Variants in UNC13D observed in about 807,000 individuals in gnomAD.
UNC13D encodes protein unc-13 homolog D.
A neutral mutation model predicts 151.7 loss-of-function variants in UNC13D; 115 were observed. The ratio of observed to expected loss-of-function variants is 0.76; its 90% CI spans 0.65 to 0.88. UNC13D has a LOEUF of 0.88. Among genes scored for constraint, UNC13D ranks in the 40% least tolerant of loss-of-function variants. UNC13D has a pLI of 0.00. For missense variants in UNC13D, 1,369 were observed against 1,438.7 expected (o/e 0.95, Z 0.78); for synonymous variants, 588 against 612.2 (o/e 0.96, Z 0.58).
Position 75,827,833 on chromosome 17 carries a change from C to T in UNC13D, c.*132G>A. 1 of 1,506,974 alleles carries T rather than the reference C, an allele frequency of 6.6e-7. No individual in the cohort carries two copies. The highest frequency in any genetic ancestry group is 8.9e-7 in the Non-Finnish European group (1 of 1,128,186). The allele number at this position is 1,506,974 out of a possible 1,614,324, so 93.4% of individuals were successfully genotyped here. On this transcript the variant is annotated 3_prime_UTR_variant, in exon 32 of 32. Transcript: ENST00000207549. Reference sequence around the variant, plus strand: ...GCAGGGGAGGTCTGCACTCTGGGCACTCCGCATGCTGGGGCTCCCCAAGTG... The same window carrying T: ...GCAGGGGAGGTCTGCACTCTGGGCATTCCGCATGCTGGGGCTCCCCAAGTG...
At chr17:75,844,145 C>T (rs1449842277) in intron 1 of UNC13D, 76 bp downstream of exon 1, 1 of 1,572,472 alleles carries the variant, frequency 6.4e-7, no homozygotes, top group Non-Finnish European at 8.7e-7. Context: ...GAGGTGGGGC[C>T]AGACAGCAGG....
rs188535511 is a variant in UNC13D at position 75,831,079 on chromosome 17, G to A, written c.2625+19C>T. On this transcript the variant is annotated intron_variant, in intron 27 of 31. Coordinates refer to ENST00000207549, the MANE Select transcript of UNC13D (RefSeq NM_199242.3). Reference sequence around the variant, plus strand: ...GGCTCCCCAGACTTCCTACGGGGAAGCTCACCCAAAGCCCCTACCTGGAAG... The same window carrying A: ...GGCTCCCCAGACTTCCTACGGGGAAACTCACCCAAAGCCCCTACCTGGAAG... 1.6e-4 allele frequency: 259 copies of A among 1,613,640 alleles called. No homozygotes were observed. The African/African-American group carries it at 3.1e-3, about 20-fold the overall frequency.
Position 75,840,404 on chromosome 17 carries a change from G to A in UNC13D, c.754-75C>T. On this transcript the variant is annotated intron_variant, in intron 9 of 31. Transcript: ENST00000207549. The surrounding 1 kb of genome is among the most constrained non-coding windows in gnomAD (Gnocchi z 4.6). ...GGGGCAGCGGAGGCGACAGGAGGTG[G>A]ACCCCAGGCTCAGCTTTGTGAGGAC... The A allele has an allele frequency of 6.2e-7, 1 of 1,606,220 alleles. No homozygotes were observed. Among genetic ancestry groups the A allele is most frequent in the Non-Finnish European group, 8.5e-7 (1 of 1,173,924 alleles).
chr17:75,834,997 G>T lies in UNC13D; in HGVS notation c.1915C>A (p.Gln639Lys). ...SAVDLSTCFA[Q>K]ISHTARQLDW... ...AGCTGCCGGGCAGTGTGGCTGATCT[G>T]GGCAAAGCAGGTGGATAGATCCACC... The change falls in exon 21 of 32, where the codon CAG (glutamine) becomes AAG (lysine). Residue 639 changes from glutamine to lysine, a missense_variant. Coordinates refer to ENST00000207549, the MANE Select transcript of UNC13D (RefSeq NM_199242.3). 6.2e-7 allele frequency: 1 copy of T among 1,614,072 alleles called. No individual in the cohort carries two copies. The highest frequency in any genetic ancestry group is 8.5e-7 in the Non-Finnish European group (1 of 1,180,026).
chr17:75,843,111 C>A (rs757592616), intron 3 of UNC13D, 38 bp from the exon 4 acceptor site: 36 of 1,608,096 alleles, frequency 2.2e-5, no homozygotes, highest in Non-Finnish European at 3.0e-5. Context: ...CTGGGGGCAC[C>A]AGACAGGGCA....
At chr17:75,834,737 G>A (rs752254905) in intron 21 of UNC13D, 21 bp from the exon 22 acceptor site, 2 of 1,612,914 alleles carry the variant, frequency 1.2e-6, no homozygotes, top group Non-Finnish European at 1.7e-6. Context: ...GTTGGACAGA[G>A]GGAACTGATC....
intron 30 of UNC13D, 114 bp downstream of exon 30, chr17:75,829,914 C>G: frequency 2.7e-6 from 4 of 1,506,784 alleles, no homozygotes; most frequent in Non-Finnish European, 3.6e-6. Context: ...CCCTTGGGCC[C>G]AAATGTGGCC....
Position 75,834,338 on chromosome 17 carries a change from G to C in UNC13D, c.2285C>G (p.Thr762Ser). The change falls in exon 23 of 32, where the codon ACC (threonine) becomes AGC (serine). Residue 762 changes from threonine (T) to serine (S), a missense_variant. Thr to Ser is a moderately conservative substitution (Grantham distance 58, BLOSUM62 1). Transcript: ENST00000207549. ...CGGACAAGGTACCTGCTCGGCCAGG[G>C]TGCGGACGCCAGTGCGGATCTCATG... The part of the protein sequence containing the change: ...LGHEIRTGVR[T>S]LAEQLEVGIA... The C allele has an allele frequency of 6.3e-7, 1 of 1,594,932 alleles. No homozygotes were observed.
At position 75,834,374 on chromosome 17, in the gene UNC13D, G is replaced by A. The variant is rs1440344749; in HGVS notation, c.2249C>T (p.Ala750Val). 1.9e-6 allele frequency: 3 copies of A among 1,593,220 alleles called. No individual in the cohort carries two copies. The highest frequency in any genetic ancestry group is 1.1e-5 in the South Asian group (1 of 90,120). The stretch of plus-strand genomic sequence containing the variant: ...AGTGCGGATCTCATGGCCCAGCCCG[G>A]CCAGCGCGCTCTGCAGCTGGGCATG... The part of the protein sequence containing the change: ...TLHAQLQSAL[A>V]GLGHEIRTGV... The change falls in exon 23 of 32, where the codon GCC (alanine) becomes GTC (valine). Residue 750 changes from alanine to valine, a missense_variant. Physicochemically the swap from Ala to Val is moderately conservative, Grantham distance 64. Around this residue, in one of 3 missense-constraint regions of UNC13D, gnomAD observed 807 missense variants for 795.5 expected, o/e 1.01. Transcript: ENST00000207549.
At chr17:75,843,917 AC>A (rs1440562535) in intron 1 of UNC13D, 22 of 1,376,740 alleles carry the variant, frequency 1.6e-5, no homozygotes, top group African/African-American at 2.9e-5. Context: ...CAGCAGGGAC[AC>A]CCCCACCTAA....
In UNC13D at chr17:75,834,158, C is replaced by T. The variant is rs765565016; in HGVS notation, c.2299-15G>A. On this transcript the variant is annotated splice_polypyrimidine_tract_variant and intron_variant, in intron 23 of 31. Coordinates refer to ENST00000207549, the MANE Select transcript of UNC13D (RefSeq NM_199242.3). ...CCCACCTCCAACTGGAGACACAAAACGGAAGAAGGAGGGAGGTCAGGGCAT... is the reference window on the plus strand; with the variant it reads ...CCCACCTCCAACTGGAGACACAAAATGGAAGAAGGAGGGAGGTCAGGGCAT... 19 of 1,613,528 alleles carry T rather than the reference C, an allele frequency of 1.2e-5. No individual in the cohort carries two copies. The highest frequency in any genetic ancestry group is 4.4e-5 in the South Asian group (4 of 91,082).
intron 12 of UNC13D, 45 bp downstream of exon 12, chr17:75,839,794 G>A (rs746888994): frequency 1.3e-6 from 2 of 1,598,230 alleles, no homozygotes; most frequent in Non-Finnish European, 8.6e-7. Context: ...CAGGGGGCGT[G>A]GGGGGCTGGT....
rs946234751 is a variant in UNC13D, at chr17:75,842,622, G to A, written c.389-9C>T. The A allele has an allele frequency of 3.1e-6, 5 of 1,611,176 alleles. No homozygotes were observed. In the African/African-American group the frequency reaches 4.0e-5, roughly 13 times the overall value. On this transcript the variant is annotated splice_polypyrimidine_tract_variant and intron_variant, in intron 5 of 31. Coordinates refer to ENST00000207549, the MANE Select transcript of UNC13D (RefSeq NM_199242.3). ...GTAGGGGTCGCTGAACCCTGTGGAG[G>A]AGTGGGGAAGACGAGGCAGCCAGGG...
At chr17:75,838,394 T>C (rs761592340) in intron 12 of UNC13D, among the ~76,000 whole-genome samples, 3 of 151,984 alleles carry the variant, frequency 2.0e-5, no homozygotes, top group Non-Finnish European at 4.4e-5. Flanking sequence ...AATTTTTCTA[T>C]ATTTTGTAGA....
At chr17:75,839,227 A>T (rs2064930804) in intron 12 of UNC13D, among the ~76,000 whole-genome samples, 1 of 149,558 alleles carries the variant, frequency 6.7e-6, no homozygotes, top group Non-Finnish European at 1.5e-5. Flanking sequence ...ACATGGAGAA[A>T]CCCCGTCTCT....
chr17:75,842,685 C>A, intron 5 of UNC13D, 72 bp from the exon 6 acceptor site: 1 of 1,605,554 alleles, frequency 6.2e-7, no homozygotes, highest in Non-Finnish European at 8.5e-7. Flanking sequence ...TCATCACCCC[C>A]GCCCGGGGCT....
At chr17:75,839,057 G>A (rs1235831476) in intron 12 of UNC13D, among the ~76,000 whole-genome samples, 1 of 151,252 alleles carries the variant, frequency 6.6e-6, no homozygotes, top group Non-Finnish European at 1.5e-5. Context: ...CCAAGATCGT[G>A]CCACTGCACT....
intron 1 of UNC13D, chr17:75,843,885 G>A (rs1465202530): frequency 7.3e-6 from 10 of 1,372,080 alleles, no homozygotes; most frequent in Non-Finnish European, 9.4e-6. Flanking sequence ...GGGGTCTGCT[G>A]CTCCCCGAAC....
chr17:75,832,725 G>T lies in UNC13D; in HGVS notation c.2447+241C>A. The T allele has an allele frequency of 2.2e-6, 1 of 460,382 alleles. No homozygotes were observed. 28.5% of individuals were successfully genotyped at this position (460,382 alleles called of 1,614,324 possible). A position where few individuals can be genotyped will look rare whatever the true frequency, so the allele number is the denominator to read the frequency against. ...GTGGCAAGCTCCCCGTCCCTGCAGCGAGCCTTAGCAGAGCCTGTTGCACCC... is the reference window on the plus strand; with the variant it reads ...GTGGCAAGCTCCCCGTCCCTGCAGCTAGCCTTAGCAGAGCCTGTTGCACCC... On this transcript the variant is annotated intron_variant, in intron 25 of 31. Coordinates refer to ENST00000207549, the MANE Select transcript of UNC13D (RefSeq NM_199242.3). This position sits in a 1 kb window ranked among gnomAD's most constrained non-coding sequence, Gnocchi z 4.3.
Sources: allele counts gnomAD v4.1 joint callset (sites outside exome capture counted in the v4.1 genomes callset), GRCh38; gene constraint gnomAD v4.1.1; regional missense constraint gnomAD v4.1.1; non-coding constraint Gnocchi (gnomAD v3.1); transcripts MANE v1.5; gene names NCBI Gene and HGNC (gene_info 2026-07-23, HGNC 2026-07-21).